The following NEBL variants were observed in gnomAD, a reference collection of about 807,000 sequenced individuals.
NEBL encodes the protein LIM and SH3 protein 2.
Under a neutral mutation model 140.2 loss-of-function variants are expected in NEBL, and 122 were observed. The observed-to-expected ratio is 0.87, with a 90% confidence interval of 0.75 to 1.01. The LOEUF (loss-of-function observed/expected upper bound fraction) is 1.01. NEBL is among the 50% of genes least tolerant of loss of function. The pLI, the probability that NEBL is intolerant of heterozygous loss-of-function variation, is 0.00. For missense variants in NEBL, 1,365 were observed against 1,231.3 expected (o/e 1.11, Z -1.62); for synonymous variants, 436 against 398.9 (o/e 1.09, Z -1.11).
intron 12 of NEBL, among the ~76,000 whole-genome samples, chr10:20,843,041 G>A (rs1184957760): frequency 2.6e-5 from 4 of 152,024 alleles, no homozygotes; most frequent in Non-Finnish European, 4.4e-5. Flanking sequence ...ACCAAAACCC[G>A]TATGTTGAAG....
chr10:20,859,854 A>T, intron 7 of NEBL, 28 bp from the exon 8 acceptor site: 2 of 1,060,682 alleles, frequency 1.9e-6, no homozygotes, highest in Non-Finnish European at 2.9e-6. Context: ...TAGTACATGT[A>T]ACTTTACATT....
At chr10:20,819,400 T>C in intron 20 of NEBL, 24 bp downstream of exon 20, 1 of 1,613,648 alleles carries the variant, frequency 6.2e-7, no homozygotes, top group South Asian at 1.1e-5. Context: ...TGAGAAAATA[T>C]AAAAGGAAAC....
intron 6 of NEBL, among the ~76,000 whole-genome samples, chr10:20,869,422 G>A (rs529916814): frequency 6.6e-6 from 1 of 152,256 alleles, no homozygotes; most frequent in South Asian, 2.1e-4. Context: ...GGTGAGGGGA[G>A]AGATTATATG....
At chr10:20,794,762 G>C (rs957604722) in intron 26 of NEBL, among the ~76,000 whole-genome samples, 1 of 152,104 alleles carries the variant, frequency 6.6e-6, no homozygotes, top group African/African-American at 2.4e-5. Context: ...TTACAACCCC[G>C]TTAGCTCAAG....
chr10:20,814,070 CAAT>C (rs1838447253), intron 22 of NEBL, 27 bp from the exon 23 acceptor site: 1 of 1,361,222 alleles, frequency 7.3e-7, no homozygotes, highest in African/African-American at 1.4e-5. Flanking sequence ...AGGCATAAGA[CAAT>C]GATAAGAAAA....
In NEBL at chr10:21,173,971, C is replaced by T; in HGVS notation, c.-138G>A. ...GCGGGCGCCGGGTAGGGAGTCGGCGCCGGGCCACGGGTGAGTGCACGGGGA... is the reference window on the plus strand; with the variant it reads ...GCGGGCGCCGGGTAGGGAGTCGGCGTCGGGCCACGGGTGAGTGCACGGGGA... On this transcript the variant is annotated 5_prime_UTR_variant, in exon 1 of 7. Transcript: ENST00000417816. The surrounding 1 kb of genome is among the most constrained non-coding windows in gnomAD (Gnocchi z 5.7). 2.2e-6 allele frequency: 3 copies of T among 1,351,892 alleles called. No homozygotes were observed. The highest frequency in any genetic ancestry group is 2.8e-6 in the Non-Finnish European group (3 of 1,060,988). 83.7% of individuals were successfully genotyped at this position (1,351,892 alleles called of 1,614,324 possible).
At chr10:20,990,277 T>A (rs1837408579) in intron 3 of NEBL, among the ~76,000 whole-genome samples, 1 of 152,266 alleles carries the variant, frequency 6.6e-6, no homozygotes, top group Non-Finnish European at 1.5e-5. Context: ...TTTGAAATGT[T>A]AACAACACTT....
At chr10:21,153,845 C>T (rs538971963) in intron 2 of NEBL, among the ~76,000 whole-genome samples, 10 of 152,038 alleles carry the variant, frequency 6.6e-5, no homozygotes, top group East Asian at 3.9e-4. Flanking sequence ...AAAGTATATA[C>T]GGAAATAAAC....
Position 20,812,795 on chromosome 10 carries a change from A to C in NEBL, c.2492T>G (p.Met831Arg). 6.2e-7 allele frequency: 1 copy of C among 1,613,904 alleles called. No homozygotes were observed. The highest frequency in any genetic ancestry group is 8.5e-7 in the Non-Finnish European group (1 of 1,179,906). ...YKGVHPHIVE[M>R]DRRPGIIVDL... is the part of the protein sequence containing the mutation. ...AACAATGATTCCAGGTCTCCTGTCC[A>C]TCTCCACGATGTGAGGGTGGACCCC... The change falls in exon 24 of 28, where the codon ATG becomes AGG. Residue 831 changes from methionine (M) to arginine (R), a missense_variant. By Grantham distance (91) the Met-to-Arg change is moderately conservative. Coordinates refer to ENST00000377122, the MANE Select transcript of NEBL (RefSeq NM_006393.3).
intron 7 of NEBL, among the ~76,000 whole-genome samples, chr10:20,860,093 A>C (rs1230720324): frequency 2.0e-5 from 3 of 152,144 alleles, no homozygotes. Context: ...CAACATTTTT[A>C]AATGTCAGTT....
chr10:21,096,072 T>C (rs533657304), intron 2 of NEBL, among the ~76,000 whole-genome samples: 25 of 152,242 alleles, frequency 1.6e-4, no homozygotes, highest in South Asian at 6.2e-4. Context: ...ATTAAATAGA[T>C]CCCATAAGCA....
chr10:21,066,971 C>CTTTTTTT lies in NEBL; in HGVS notation c.165-46777_165-46771dup, dbSNP rs56352671. On this transcript the variant is annotated intron_variant, in intron 2 of 6. Transcript: ENST00000417816. Reference sequence around the variant, plus strand: ...ACCTTTGTTTCCTGAAATAATTTAACTTTTTTTTTTTTTTTTTTTGAGACA... The same window carrying CTTTTTTT: ...ACCTTTGTTTCCTGAAATAATTTAACTTTTTTTTTTTTTTTTTTTTTTTTTTGAGACA... 4.7e-3 allele frequency among the ~76,000 whole-genome samples: 532 copies of CTTTTTTT among 112,758 alleles called. 7 individuals are homozygous for CTTTTTTT. Among genetic ancestry groups the CTTTTTTT allele is most frequent in the Non-Finnish European group, 7.2e-3 (413 of 57,658 alleles). The allele number at this position is 112,758 out of a possible 152,430, so 74.0% of individuals were successfully genotyped here.
rs1241793348 is a variant in NEBL at position 20,880,827 on chromosome 10, T to A, written c.447A>T (p.Lys149Asn). 6.2e-7 allele frequency: 1 copy of A among 1,614,092 alleles called. No individual in the cohort carries two copies. Among genetic ancestry groups the A allele is most frequent in the Admixed American group, 1.7e-5 (1 of 60,012 alleles). ...GGTGTTTATTGACCTCCATGGCATG[T>A]TTAACCTCAGGGGGCTCCTTCATGT... ...YAHMKEPPEV[K>N]HAMEVNKHQS... The change falls in exon 5 of 28, where the codon AAA becomes AAT. Residue 149 changes from lysine to asparagine, a missense_variant. Coordinates refer to ENST00000377122, the MANE Select transcript of NEBL (RefSeq NM_006393.3).
chr10:20,908,091 C>A (rs962691806), intron 4 of NEBL, among the ~76,000 whole-genome samples: 1 of 152,180 alleles, frequency 6.6e-6, no homozygotes, highest in African/African-American at 2.4e-5. Flanking sequence ...AAAGGATGAT[C>A]ACTGCATGCC....
intron 2 of NEBL, among the ~76,000 whole-genome samples, chr10:21,062,399 G>C (rs111772740): frequency 6.6e-6 from 1 of 151,962 alleles, no homozygotes; most frequent in South Asian, 2.1e-4. Flanking sequence ...AGTGGCTCTC[G>C]CCTGTAATCC....
In NEBL at chr10:20,969,722, T is replaced by A. The variant is rs546290499; in HGVS notation, c.250-7943A>T. Among the ~76,000 whole-genome samples the A allele has an allele frequency of 4.6e-5, 7 of 151,876 alleles. No homozygotes were observed. In the East Asian group the frequency reaches 7.8e-4, roughly 17 times the overall value. ...CACCACACTGAGCTAATTTTTGAAT[T>A]TTTAGTAGAGACAGGGTTTTGCCAT... is the stretch of plus-strand genomic sequence containing the variant. On this transcript the variant is annotated intron_variant, in intron 3 of 6. Transcript: ENST00000417816.
intron 2 of NEBL, among the ~76,000 whole-genome samples, chr10:21,021,663 G>T (rs1481470735): frequency 6.6e-6 from 1 of 152,112 alleles, no homozygotes; most frequent in Non-Finnish European, 1.5e-5. Context: ...CCAAGTTTGG[G>T]TCAGGAATGG....
chr10:20,797,419 T>C (rs1274565907), intron 26 of NEBL, among the ~76,000 whole-genome samples: 1 of 152,192 alleles, frequency 6.6e-6, no homozygotes, highest in Non-Finnish European at 1.5e-5. Context: ...AGTTTTACAC[T>C]AGACATCCTA....
Position 20,831,388 on chromosome 10 carries a change from C to T in NEBL, c.1561-82G>A. 6 of 1,496,372 alleles carry T rather than the reference C, an allele frequency of 4.0e-6. 1 individual carries two copies. In the South Asian group the frequency reaches 6.8e-5, roughly 17 times the overall value. The allele number at this position is 1,496,372 out of a possible 1,614,324, so 92.7% of individuals were successfully genotyped here. On this transcript the variant is annotated intron_variant, in intron 15 of 27. Coordinates refer to ENST00000377122, the MANE Select transcript of NEBL (RefSeq NM_006393.3). ...AATTTACATGTTTGAATCTCAAAGC[C>T]ACCCATGTGGAAAGAAAACTTATGC...
Sources: allele counts gnomAD v4.1 joint callset (sites outside exome capture counted in the v4.1 genomes callset), GRCh38; gene constraint gnomAD v4.1.1; non-coding constraint Gnocchi (gnomAD v3.1); transcripts MANE v1.5; gene names NCBI Gene and HGNC (gene_info 2026-07-23, HGNC 2026-07-21).